Variants in ZCCHC7 observed in about 807,000 individuals in gnomAD.
ZCCHC7 encodes zinc finger CCHC domain-containing protein 7.
Under a neutral mutation model 52.0 loss-of-function variants are expected in ZCCHC7, and 35 were observed. The ratio of observed to expected loss-of-function variants is 0.67; its 90% confidence interval spans 0.51 to 0.89. The LOEUF is 0.89. ZCCHC7 is among the 40% of genes least tolerant of loss of function. The pLI is 0.00. For missense variants in ZCCHC7, 574 were observed against 649.1 expected, an observed-to-expected ratio of 0.88 and a Z score of 1.26; for synonymous variants, 217 against 221.5, an observed-to-expected ratio of 0.98 and a Z score of 0.18.
intron 2 of ZCCHC7, among the ~76,000 whole-genome samples, chr9:37,284,733 C>T (rs928135406): frequency 6.6e-5 from 10 of 152,178 alleles, no homozygotes; most frequent in East Asian, 3.9e-4. Flanking sequence ...ATTAAACATC[C>T]GTAATTCATG....
At chr9:37,127,023 G>A (rs1049298697) in intron 2 of ZCCHC7, 81 bp downstream of exon 2, 79 of 1,497,614 alleles carry the variant, frequency 5.3e-5, no homozygotes, top group Non-Finnish European at 6.6e-5. Context: ...AGACCAATAG[G>A]GTCTACTCCG....
chr9:37,226,154 C>G (rs1215177604), intron 2 of ZCCHC7, among the ~76,000 whole-genome samples: 1 of 152,062 alleles, frequency 6.6e-6, no homozygotes. Context: ...ATACTAGCAA[C>G]AAACAATTGG....
At chr9:37,229,436 A>G (rs1825289646) in intron 2 of ZCCHC7, among the ~76,000 whole-genome samples, 1 of 152,288 alleles carries the variant, frequency 6.6e-6, no homozygotes, top group Non-Finnish European at 1.5e-5. Flanking sequence ...GCATAGCCTC[A>G]TGCACACCTA....
At chr9:37,141,137 G>T (rs1843205734) in intron 2 of ZCCHC7, among the ~76,000 whole-genome samples, 1 of 151,878 alleles carries the variant, frequency 6.6e-6, no homozygotes, top group South Asian at 2.1e-4. Flanking sequence ...CAGATTCTCT[G>T]CCTATTGTGG....
chr9:37,176,187 C>T (rs1224704950), intron 2 of ZCCHC7, among the ~76,000 whole-genome samples: 1 of 152,132 alleles, frequency 6.6e-6, no homozygotes, highest in African/African-American at 2.4e-5. Context: ...CATTCTCCTG[C>T]CTCAGCCTCA....
intron 2 of ZCCHC7, among the ~76,000 whole-genome samples, chr9:37,246,412 AG>A (rs1173788594): frequency 6.6e-6 from 1 of 152,170 alleles, no homozygotes; most frequent in Non-Finnish European, 1.5e-5. Context: ...CTCCATCTTT[AG>A]CATCAGCGTA....
chr9:37,313,549 T>A (rs1193916514), intron 5 of ZCCHC7, among the ~76,000 whole-genome samples: 1 of 152,224 alleles, frequency 6.6e-6, no homozygotes, highest in Non-Finnish European at 1.5e-5. Context: ...AGGCATATGG[T>A]ACAGTTTGGT....
chr9:37,266,332 A>T (rs1827106174), intron 2 of ZCCHC7, among the ~76,000 whole-genome samples: 1 of 152,222 alleles, frequency 6.6e-6, no homozygotes, highest in Non-Finnish European at 1.5e-5. Flanking sequence ...AGACAAAACT[A>T]TGAAACTCAG....
chr9:37,130,009 C>T (rs948505939), intron 2 of ZCCHC7, among the ~76,000 whole-genome samples: 7 of 152,102 alleles, frequency 4.6e-5, no homozygotes, highest in Non-Finnish European at 8.8e-5. Context: ...GAGGCCGAGG[C>T]GGGTGGATCA....
chr9:37,294,641 T>C (rs1828698122), intron 2 of ZCCHC7, among the ~76,000 whole-genome samples: 1 of 152,212 alleles, frequency 6.6e-6, no homozygotes, highest in African/African-American at 2.4e-5. Flanking sequence ...GTTCATTAAA[T>C]TATTTACTGG....
At chr9:37,255,812 G>A (rs1304627867) in intron 2 of ZCCHC7, among the ~76,000 whole-genome samples, 1 of 152,084 alleles carries the variant, frequency 6.6e-6, no homozygotes. Context: ...GATGACTTGT[G>A]GTAGGTTCTA....
intron 6 of ZCCHC7, among the ~76,000 whole-genome samples, chr9:37,342,521 G>C (rs1236670454): frequency 6.6e-6 from 1 of 152,200 alleles, no homozygotes; most frequent in Non-Finnish European, 1.5e-5. Flanking sequence ...GCAGTCTAAG[G>C]ACTGAGCCCT....
At chr9:37,182,358 CTTT>C (rs397940538) in intron 2 of ZCCHC7, among the ~76,000 whole-genome samples, 1 of 137,142 alleles carries the variant, frequency 7.3e-6, no homozygotes. Context: ...TTCTTTTTTT[CTTT>C]TTTTTTTTGA....
At position 37,155,603 on chromosome 9, in the gene ZCCHC7, A is replaced by AT. The variant is rs564403452; in HGVS notation, c.610+28663dup. ...ATATCTCATGCTGTTGACTAAGAAC[A>AT]TTCAATCTTCGTAAACTGGCCATTG... On this transcript the variant is annotated intron_variant, in intron 2 of 8. Coordinates refer to ENST00000336755, the MANE Select transcript of ZCCHC7 (RefSeq NM_032226.3). 3.1e-3 allele frequency among the ~76,000 whole-genome samples: 474 copies of AT among 152,356 alleles called. 3 individuals are homozygous for AT. Among genetic ancestry groups the AT allele is most frequent in the African/African-American group, 0.01 (424 of 41,578 alleles).
upstream of ZCCHC7, chr9:37,120,542 C>T (rs998806822): frequency 5.0e-6 from 2 of 399,306 alleles, no homozygotes; most frequent in South Asian, 1.3e-4. Flanking sequence ...ACGCGGCCTC[C>T]TTACCTCATT....
At chr9:37,296,881 TTGTGTG>T (rs56378965) in intron 2 of ZCCHC7, among the ~76,000 whole-genome samples, 2,853 of 124,174 alleles carry the variant, frequency 0.023, 44 homozygotes, top group African/African-American at 0.044. Context: ...CCTGGCTAGT[TTGTGTG>T]TGTGTGTGTG....
intron 2 of ZCCHC7, among the ~76,000 whole-genome samples, chr9:37,150,774 T>C: frequency 6.6e-6 from 1 of 152,184 alleles, no homozygotes; most frequent in East Asian, 1.9e-4. Context: ...GTCTATGAAG[T>C]TTGTTTTATG....
chr9:37,270,152 TATA>T lies in ZCCHC7; in HGVS notation c.611-32035_611-32033del, dbSNP rs745673834. Among the ~76,000 whole-genome samples the T allele has an allele frequency of 2.0e-5, 3 of 152,308 alleles. No homozygotes were observed. The East Asian group carries it at 5.8e-4, about 29-fold the overall frequency. On this transcript the variant is annotated intron_variant, in intron 2 of 8. Coordinates refer to ENST00000336755, the MANE Select transcript of ZCCHC7 (RefSeq NM_032226.3). ...TTTAGCTATATTGTGCTACATAAAA[TATA>T]TTATTAAAATTAATTTTACTTGTTT...
intron 2 of ZCCHC7, among the ~76,000 whole-genome samples, chr9:37,277,618 T>A (rs1051787980): frequency 6.6e-6 from 1 of 152,224 alleles, no homozygotes; most frequent in Non-Finnish European, 1.5e-5. Flanking sequence ...TTTAGTATTT[T>A]ATGCTTGAGG....
Sources: gnomAD v4.1 joint callset for allele counts (sites outside exome capture counted in the v4.1 genomes callset) on GRCh38, gnomAD v4.1.1 for gene constraint, MANE v1.5 for transcripts, NCBI Gene and HGNC (gene_info 2026-07-23, HGNC 2026-07-21) for gene names.